Variants in FER observed in about 807,000 individuals in gnomAD.
FER encodes tyrosine-protein kinase Fer.
A neutral mutation model predicts 111.0 loss-of-function variants in FER; 63 were observed. The ratio of observed to expected loss-of-function variants is 0.57; its 90% CI spans 0.46 to 0.70. FER has a LOEUF of 0.70. Ranked by LOEUF, FER falls within the 30% of genes least tolerant of loss-of-function variation. The pLI is 0.00. For missense variants in FER, 914 were observed against 954.0 expected (o/e 0.96, Z 0.55); for synonymous variants, 327 against 313.9 (o/e 1.04, Z -0.44).
chr5:108,966,507 C>T (rs1478252644), intron 13 of FER, among the ~76,000 whole-genome samples: 3 of 151,582 alleles, frequency 2.0e-5, no homozygotes, highest in Non-Finnish European at 4.4e-5. Flanking sequence ...CCTGCCTCAG[C>T]CTCCTGAGTA....
At chr5:108,995,555 T>C (rs1253707033) in intron 13 of FER, among the ~76,000 whole-genome samples, 2 of 152,192 alleles carry the variant, frequency 1.3e-5, no homozygotes, top group South Asian at 2.1e-4. Flanking sequence ...CTGAGAATTA[T>C]AGTTTTCAGC....
At chr5:109,013,177 C>T (rs1349972404) in intron 13 of FER, among the ~76,000 whole-genome samples, 1 of 150,872 alleles carries the variant, frequency 6.6e-6, no homozygotes, top group African/African-American at 2.4e-5. Flanking sequence ...GTGCTGAACC[C>T]AGTAACTCAT....
intron 10 of FER, chr5:108,924,789 G>C (rs1561624081): frequency 8.1e-7 from 1 of 1,231,892 alleles, no homozygotes; most frequent in Non-Finnish European, 1.0e-6. Flanking sequence ...ACAGAGATCA[G>C]GTAAGGAGAA....
At chr5:109,100,589 A>G (rs1312857152) in intron 17 of FER, 70 bp downstream of exon 17, 3 of 1,422,204 alleles carry the variant, frequency 2.1e-6, no homozygotes, top group African/African-American at 1.4e-5. Context: ...TGTATTTGCT[A>G]CAATAGAAGT....
chr5:108,967,129 C>A (rs553423727), intron 13 of FER, among the ~76,000 whole-genome samples: 6 of 152,292 alleles, frequency 3.9e-5, no homozygotes, highest in African/African-American at 1.4e-4. Context: ...CCCGGGCCAA[C>A]CCTGGCTTAT....
chr5:108,970,670 A>C (rs982390131), intron 13 of FER, among the ~76,000 whole-genome samples: 1 of 152,156 alleles, frequency 6.6e-6, no homozygotes, highest in Non-Finnish European at 1.5e-5. Flanking sequence ...AGAGGAAAAA[A>C]TTGGCTGGGA....
At chr5:109,009,004 C>G (rs1053061645) in intron 13 of FER, among the ~76,000 whole-genome samples, 2 of 151,408 alleles carry the variant, frequency 1.3e-5, no homozygotes, top group African/African-American at 2.4e-5. Context: ...AAAACAATAG[C>G]CAAAGCTTTC....
Position 108,969,830 on chromosome 5 carries a change from T to C in FER, c.1656+10483T>C, listed in dbSNP as rs1025043986. ...TTTATCTGATTTTTATTAAATAAAG[T>C]ATAGATATCCAAATACATGGAAAAA... On this transcript the variant is annotated intron_variant, in intron 13 of 19. Coordinates refer to ENST00000281092, the MANE Select transcript of FER (RefSeq NM_005246.4). Among the ~76,000 whole-genome samples, 3 of 148,214 alleles carry C rather than the reference T, an allele frequency of 2.0e-5. 1 individual carries two copies. The highest frequency in any genetic ancestry group is 8.0e-5 in the African/African-American group (3 of 37,590).
At chr5:108,950,568 G>A (rs900100830) in intron 11 of FER, among the ~76,000 whole-genome samples, 2 of 152,018 alleles carry the variant, frequency 1.3e-5, no homozygotes, top group Non-Finnish European at 2.9e-5. Context: ...TTTACATCCT[G>A]TTTGTCTATC....
In FER at chr5:109,000,977, A is replaced by C. The variant is rs1409487046; in HGVS notation, c.1657-36445A>C. On this transcript the variant is annotated intron_variant, in intron 13 of 19. Coordinates refer to ENST00000281092, the MANE Select transcript of FER (RefSeq NM_005246.4). ...AGGAAGAAGTTGAATCTCTGAATAG[A>C]CCAATAACAGGAGCTGAAATTGTGG... Among the ~76,000 whole-genome samples the C allele has an allele frequency of 3.3e-5, 5 of 152,302 alleles. No homozygotes were observed. The East Asian group carries it at 7.7e-4, about 24-fold the overall frequency.
At chr5:109,034,833 A>T (rs1451485068) in intron 13 of FER, among the ~76,000 whole-genome samples, 3 of 152,146 alleles carry the variant, frequency 2.0e-5, no homozygotes. Flanking sequence ...TGACTGCCAG[A>T]TGGCACTCTT....
At chr5:108,934,446 A>G (rs1219584962) in intron 10 of FER, among the ~76,000 whole-genome samples, 1 of 152,176 alleles carries the variant, frequency 6.6e-6, no homozygotes, top group Non-Finnish European at 1.5e-5. Flanking sequence ...TTTCACACTT[A>G]TTTTTAATGT....
intron 5 of FER, among the ~76,000 whole-genome samples, chr5:108,845,504 A>T (rs558406828): frequency 1.3e-5 from 2 of 152,060 alleles, no homozygotes; most frequent in East Asian, 1.9e-4. Context: ...TTTAAAAATG[A>T]ATTTCTTAGG....
At chr5:109,010,693 T>C (rs1047526242) in intron 13 of FER, among the ~76,000 whole-genome samples, 4 of 152,178 alleles carry the variant, frequency 2.6e-5, no homozygotes, top group Non-Finnish European at 5.9e-5. Flanking sequence ...TTATGCAAAC[T>C]AGATTATTTT....
chr5:109,081,676 C>G (rs540586055), intron 16 of FER, among the ~76,000 whole-genome samples: 6 of 152,096 alleles, frequency 3.9e-5, no homozygotes, highest in African/African-American at 1.2e-4. Context: ...TGACTTAGCA[C>G]AGACATTTCA....
At chr5:108,924,686 A>G (rs1380566802) in intron 10 of FER, 13 of 1,231,926 alleles carry the variant, frequency 1.1e-5, no homozygotes, top group African/African-American at 1.6e-5. Flanking sequence ...AAATGTCCTC[A>G]TTGTAAGGAT....
At chr5:109,122,049 CT>C (rs1751048524) in intron 17 of FER, among the ~76,000 whole-genome samples, 1 of 151,416 alleles carries the variant, frequency 6.6e-6, no homozygotes, top group African/African-American at 2.4e-5. Flanking sequence ...TTTTGTTAGC[CT>C]TTTGTATTTT....
intron 13 of FER, among the ~76,000 whole-genome samples, chr5:109,003,033 T>G (rs1162718225): frequency 2.0e-5 from 3 of 152,108 alleles, no homozygotes; most frequent in Non-Finnish European, 2.9e-5. Flanking sequence ...TGTAAACTAG[T>G]TCAACCATTG....
rs371921421 is a variant in FER at position 108,798,397 on chromosome 5, G to T, written c.207+8G>T. ...GTCAGCAACGTATCCAAGGTAAGAAGAATAATTTCACTCTTTGTTATTTAT... is the reference window on the plus strand; with the variant it reads ...GTCAGCAACGTATCCAAGGTAAGAATAATAATTTCACTCTTTGTTATTTAT... On this transcript the variant is annotated splice_region_variant and intron_variant, in intron 3 of 19. Transcript: ENST00000281092. 16 of 1,596,280 alleles carry T rather than the reference G, an allele frequency of 1.0e-5. No homozygotes were observed. Among genetic ancestry groups the T allele is most frequent in the East Asian group, 2.2e-5 (1 of 44,760 alleles).
Sources: gnomAD v4.1 joint callset for allele counts (sites outside exome capture counted in the v4.1 genomes callset) on GRCh38, gnomAD v4.1.1 for gene constraint, MANE v1.5 for transcripts, NCBI Gene and HGNC (gene_info 2026-07-23, HGNC 2026-07-21) for gene names.